Variants in ST6GALNAC3 observed in about 807,000 individuals in gnomAD.
The protein encoded by ST6GALNAC3 is alpha-N-acetylgalactosaminide alpha-2,6-sialyltransferase 3.
A neutral mutation model predicts 32.7 loss-of-function variants in ST6GALNAC3; 25 were observed. That is an observed-to-expected ratio of 0.76 (90% confidence interval 0.56 to 1.07). ST6GALNAC3 has a LOEUF of 1.07. ST6GALNAC3 is among the 50% of genes least tolerant of loss of function. The pLI is 0.00. For missense variants in ST6GALNAC3, 355 were observed against 382.4 expected, an observed-to-expected ratio of 0.93 and a Z score of 0.60; for synonymous variants, 129 against 133.1, an observed-to-expected ratio of 0.97 and a Z score of 0.21.
chr1:76,520,675 G>C (rs953535599), intron 3 of ST6GALNAC3, among the ~76,000 whole-genome samples: 17 of 151,702 alleles, frequency 1.1e-4, no homozygotes, highest in African/African-American at 3.9e-4. Context: ...TTTTTAATTG[G>C]TTGCATTGAG....
chr1:76,252,983 T>C (rs1657708927), intron 1 of ST6GALNAC3, among the ~76,000 whole-genome samples: 1 of 151,974 alleles, frequency 6.6e-6, no homozygotes, highest in Non-Finnish European at 1.5e-5. Flanking sequence ...GTGGGGGAGG[T>C]AGAGAAGTGA....
intron 2 of ST6GALNAC3, among the ~76,000 whole-genome samples, chr1:76,398,782 A>G (rs1399927793): frequency 1.3e-5 from 2 of 152,212 alleles, no homozygotes; most frequent in Non-Finnish European, 2.9e-5. Context: ...ACATTCAGGT[A>G]TACAGTAGAA....
intron 1 of ST6GALNAC3, among the ~76,000 whole-genome samples, chr1:76,195,564 C>T (rs1187703937): frequency 1.3e-5 from 2 of 152,234 alleles, no homozygotes; most frequent in African/African-American, 4.8e-5. Context: ...CACATGGCTA[C>T]TAGCACAGTT....
At chr1:76,098,816 T>C (rs370776702) in intron 1 of ST6GALNAC3, among the ~76,000 whole-genome samples, 6 of 152,162 alleles carry the variant, frequency 3.9e-5, no homozygotes, top group Non-Finnish European at 8.8e-5. Flanking sequence ...AATTAATAAT[T>C]GTTAAAATCC....
intron 2 of ST6GALNAC3, among the ~76,000 whole-genome samples, chr1:76,399,668 G>C (rs1000306032): frequency 6.6e-6 from 1 of 152,156 alleles, no homozygotes; most frequent in South Asian, 2.1e-4. Context: ...AGATTCATTT[G>C]AGGATAATTT....
At chr1:76,515,459 G>T (rs1662116950) in intron 3 of ST6GALNAC3, among the ~76,000 whole-genome samples, 1 of 151,352 alleles carries the variant, frequency 6.6e-6, no homozygotes, top group Middle Eastern at 3.4e-3. Flanking sequence ...ACCAATTCTG[G>T]CTTAGTTTCT....
At chr1:76,510,416 C>T (rs1661781222) in intron 3 of ST6GALNAC3, among the ~76,000 whole-genome samples, 1 of 151,960 alleles carries the variant, frequency 6.6e-6, no homozygotes, top group Non-Finnish European at 1.5e-5. Flanking sequence ...GTCTAGAAGC[C>T]AGCAGCCAGT....
At position 76,634,533 on chromosome 1, in the gene ST6GALNAC3, G is replaced by GT. The variant is rs1372873172; in HGVS notation, c.*5732dup. 2.6e-5 allele frequency: 4 copies of GT among 152,158 alleles called. No individual in the cohort carries two copies. Among genetic ancestry groups the GT allele is most frequent in the African/African-American group, 9.6e-5 (4 of 41,522 alleles). The allele number at this position is 152,158 out of a possible 1,614,324, so 9.4% of individuals were successfully genotyped here. A position where few individuals can be genotyped will look rare whatever the true frequency, so the allele number is the denominator to read the frequency against. On this transcript the variant is annotated 3_prime_UTR_variant, in exon 5 of 5. Coordinates refer to ENST00000328299, the MANE Select transcript of ST6GALNAC3 (RefSeq NM_152996.4). ...ATGCACAGTTGTACGTTTGTTGAGA[G>GT]TTTTTATGGCATTATAGTGCTTTAT...
At chr1:76,585,117 G>T (rs1428872371) in intron 3 of ST6GALNAC3, among the ~76,000 whole-genome samples, 1 of 152,180 alleles carries the variant, frequency 6.6e-6, no homozygotes, top group Non-Finnish European at 1.5e-5. Flanking sequence ...GGGCGCAGTG[G>T]CTCACGCCTG....
chr1:76,508,304 C>T (rs1375246605), intron 3 of ST6GALNAC3, among the ~76,000 whole-genome samples: 1 of 152,148 alleles, frequency 6.6e-6, no homozygotes, highest in African/African-American at 2.4e-5. Flanking sequence ...GGAACTCAGG[C>T]AGTAATGCTC....
chr1:76,553,650 C>T (rs1450384609), intron 3 of ST6GALNAC3, among the ~76,000 whole-genome samples: 1 of 150,380 alleles, frequency 6.6e-6, no homozygotes, highest in East Asian at 1.9e-4. Context: ...GCTCTTATTC[C>T]CTTACAGCCA....
intron 1 of ST6GALNAC3, among the ~76,000 whole-genome samples, chr1:76,228,748 G>C (rs1206689644): frequency 1.3e-5 from 2 of 152,170 alleles, no homozygotes; most frequent in African/African-American, 4.8e-5. Flanking sequence ...AAAACATAAA[G>C]TGTGTAACCC....
chr1:76,527,519 A>G (rs909513043), intron 3 of ST6GALNAC3, among the ~76,000 whole-genome samples: 1 of 152,012 alleles, frequency 6.6e-6, no homozygotes, highest in Admixed American at 6.6e-5. Flanking sequence ...AAAAAGATTT[A>G]CTTTTTTAGA....
chr1:76,522,645 G>A (rs1270803842), intron 3 of ST6GALNAC3, among the ~76,000 whole-genome samples: 1 of 152,044 alleles, frequency 6.6e-6, no homozygotes, highest in African/African-American at 2.4e-5. Context: ...AGATTCTATG[G>A]TGGCTTTATA....
chr1:76,163,386 C>T (rs922194137), intron 1 of ST6GALNAC3, among the ~76,000 whole-genome samples: 1 of 152,186 alleles, frequency 6.6e-6, no homozygotes, highest in Non-Finnish European at 1.5e-5. Flanking sequence ...ATATCTTCCA[C>T]CTAAAATTCT....
At chr1:76,635,214 CCTCTT>C (rs1649475524), downstream of ST6GALNAC3, among the ~76,000 whole-genome samples, 1 of 152,106 alleles carries the variant, frequency 6.6e-6, no homozygotes, top group Non-Finnish European at 1.5e-5. Flanking sequence ...TTTCCTCTCT[CCTCTT>C]ATTTTCTTTC....
intron 1 of ST6GALNAC3, among the ~76,000 whole-genome samples, chr1:76,220,660 T>C (rs1357965913): frequency 6.6e-6 from 1 of 152,112 alleles, no homozygotes; most frequent in East Asian, 1.9e-4. Context: ...CTGAATGAAG[T>C]AGGGTTTAAG....
At chr1:76,504,535 G>T (rs1481366877) in intron 3 of ST6GALNAC3, among the ~76,000 whole-genome samples, 1 of 152,154 alleles carries the variant, frequency 6.6e-6, no homozygotes, top group East Asian at 1.9e-4. Context: ...AATATCTAGT[G>T]TGAAGAATTA....
At chr1:76,413,384 A>G (rs12757663) in intron 3 of ST6GALNAC3, among the ~76,000 whole-genome samples, 31,146 of 152,174 alleles carry the variant, frequency 0.2, 3,742 homozygotes, top group East Asian at 0.31. Flanking sequence ...TCATGGATAA[A>G]TTGAGCATCT....
Sources: gnomAD v4.1 joint callset for allele counts (sites outside exome capture counted in the v4.1 genomes callset) on GRCh38, gnomAD v4.1.1 for gene constraint, MANE v1.5 for transcripts, NCBI Gene and HGNC (gene_info 2026-07-23, HGNC 2026-07-21) for gene names.